The following SCHIP1 variants were observed in gnomAD, a reference collection of about 807,000 sequenced individuals.
SCHIP1 encodes the protein schwannomin interacting protein 1.
Under a neutral mutation model 29.7 loss-of-function variants are expected in SCHIP1, and 8 were observed. That is an observed-to-expected ratio of 0.27 (90% CI 0.16 to 0.49). The LOEUF is 0.49. Among genes scored for constraint, SCHIP1 ranks in the 20% least tolerant of loss-of-function variants. The probability of loss-of-function intolerance (pLI) is 0.99; values close to 1 mark genes in which losing one functional copy is unlikely to be tolerated. For synonymous variants in SCHIP1, 76 were observed against 94.9 expected, an observed-to-expected ratio of 0.80 and a Z score of 1.16; for missense variants, 193 against 294.6, an observed-to-expected ratio of 0.66 and a Z score of 2.52.
At chr3:159,362,268 C>T in the SCHIP1 span, among the ~76,000 whole-genome samples, 15 of 152,234 alleles carry the variant, frequency 9.9e-5, no homozygotes, top group Non-Finnish European at 1.8e-4. Context: ...AAGGTAAGGA[C>T]TTACTGGATT....
the SCHIP1 span, among the ~76,000 whole-genome samples, chr3:159,429,472 T>C: frequency 1.3e-5 from 2 of 152,126 alleles, no homozygotes; most frequent in Non-Finnish European, 2.9e-5. Flanking sequence ...TGCTTCTCAT[T>C]CCAATAAATT....
At chr3:159,404,073 A>G in the SCHIP1 span, among the ~76,000 whole-genome samples, 5 of 152,204 alleles carry the variant, frequency 3.3e-5, no homozygotes, top group African/African-American at 1.2e-4. Context: ...CAGTCCTTGC[A>G]GGATCCATAA....
the SCHIP1 span, among the ~76,000 whole-genome samples, chr3:159,564,743 T>C: frequency 5.9e-5 from 9 of 152,326 alleles, no homozygotes; most frequent in South Asian, 1.2e-3. Flanking sequence ...TATATCTGGC[T>C]TTCACTCAAC....
intron 5 of SCHIP1, among the ~76,000 whole-genome samples, chr3:159,890,590 A>C (rs1717413574): frequency 6.6e-6 from 1 of 152,210 alleles, no homozygotes; most frequent in African/African-American, 2.4e-5. Flanking sequence ...TTTTTAAAAA[A>C]ATTCTACAAC....
intron 2 of SCHIP1, 97 bp from the exon 4 acceptor site, chr3:159,886,109 TA>T: frequency 1.6e-6 from 2 of 1,250,570 alleles, no homozygotes; most frequent in Non-Finnish European, 2.3e-6. Flanking sequence ...GAAGAACACA[TA>T]AGACTACTTT....
chr3:159,445,905 T>C, the SCHIP1 span, among the ~76,000 whole-genome samples: 3 of 149,548 alleles, frequency 2.0e-5, no homozygotes, highest in South Asian at 6.5e-4. Context: ...AAGGATAGCA[T>C]TAGGAGATAT....
At chr3:159,892,042 A>G in intron 5 of SCHIP1, 55 bp from the exon 7 acceptor site, 6 of 1,576,490 alleles carry the variant, frequency 3.8e-6, no homozygotes, top group Non-Finnish European at 5.2e-6. Context: ...ACTAGTTTAC[A>G]TTCTGACTTG....
the SCHIP1 span, among the ~76,000 whole-genome samples, chr3:159,720,083 A>G: frequency 6.6e-6 from 1 of 152,192 alleles, no homozygotes; most frequent in Non-Finnish European, 1.5e-5. Flanking sequence ...TTGTAGGGAC[A>G]TTGACGAAGC....
chr3:159,335,882 T>C, the SCHIP1 span, among the ~76,000 whole-genome samples: 1 of 152,210 alleles, frequency 6.6e-6, no homozygotes, highest in African/African-American at 2.4e-5. Context: ...CTGCGTCAAA[T>C]GGTATTTCTA....
chr3:159,490,679 T>G, the SCHIP1 span, among the ~76,000 whole-genome samples: 4 of 152,196 alleles, frequency 2.6e-5, no homozygotes, highest in African/African-American at 9.7e-5. Context: ...GCTGTGGATA[T>G]AAAATGGAGC....
the SCHIP1 span, among the ~76,000 whole-genome samples, chr3:159,789,720 C>T: frequency 6.6e-6 from 1 of 152,192 alleles, no homozygotes; most frequent in Non-Finnish European, 1.5e-5. Flanking sequence ...CAGGGTCTGA[C>T]CCTTAGCCTC....
At chr3:159,626,747 G>A in the SCHIP1 span, among the ~76,000 whole-genome samples, 1 of 152,074 alleles carries the variant, frequency 6.6e-6, no homozygotes, top group East Asian at 1.9e-4. Flanking sequence ...GTGGTTTGTT[G>A]TCCCCTGATG....
chr3:159,877,975 G>C (rs1481750791), intron 2 of SCHIP1, among the ~76,000 whole-genome samples: 1 of 152,188 alleles, frequency 6.6e-6, no homozygotes, highest in Admixed American at 6.5e-5. Context: ...CCACAGAAAT[G>C]TTCTCTTATA....
the SCHIP1 span, chr3:159,765,176 C>G: frequency 8.5e-6 from 13 of 1,523,960 alleles, no homozygotes; most frequent in Non-Finnish European, 1.1e-5. Flanking sequence ...CGCGCACACA[C>G]GCGTACACAC....
At chr3:159,551,992 A>G in the SCHIP1 span, among the ~76,000 whole-genome samples, 4 of 150,648 alleles carry the variant, frequency 2.7e-5, no homozygotes, top group African/African-American at 9.8e-5. Flanking sequence ...GTGGTATGGT[A>G]ATTTCATGTG....
At chr3:159,479,696 C>A in the SCHIP1 span, among the ~76,000 whole-genome samples, 1 of 152,110 alleles carries the variant, frequency 6.6e-6, no homozygotes, top group Non-Finnish European at 1.5e-5. Context: ...AACTCTCCAC[C>A]TCTACTCCAC....
At chr3:159,494,276 G>C in the SCHIP1 span, among the ~76,000 whole-genome samples, 1 of 152,126 alleles carries the variant, frequency 6.6e-6, no homozygotes, top group African/African-American at 2.4e-5. Context: ...AGGAAATAGA[G>C]ACACAAAAAA....
At chr3:159,511,427 A>G in the SCHIP1 span, among the ~76,000 whole-genome samples, 27 of 152,132 alleles carry the variant, frequency 1.8e-4, 1 homozygote, top group Admixed American at 6.5e-5. Flanking sequence ...GGGTGAAGCA[A>G]TGCCTCGCCC....
At chr3:159,889,047 C>T (rs1717233372) in intron 5 of SCHIP1, 104 bp downstream of exon 6, 10 of 1,398,532 alleles carry the variant, frequency 7.2e-6, no homozygotes, top group Non-Finnish European at 9.5e-6. Context: ...CATTGGGTTC[C>T]TGTGTGATTG....
Sources: gnomAD v4.1 joint callset for allele counts (sites outside exome capture counted in the v4.1 genomes callset) on GRCh38, gnomAD v4.1.1 for gene constraint, MANE v1.5 for transcripts, NCBI Gene and HGNC (gene_info 2026-07-23, HGNC 2026-07-21) for gene names.